The following GRTP1 variants were observed in gnomAD, a reference collection of about 807,000 sequenced individuals.
GRTP1 encodes growth hormone-regulated TBC protein 1.
Under a neutral mutation model 38.1 loss-of-function variants are expected in GRTP1, and 56 were observed. The observed-to-expected ratio is 1.47, with a 90% CI of 1.19 to 1.84. The LOEUF is 1.84. Among genes scored for constraint, GRTP1 ranks in the 40% most tolerant of loss-of-function variants. GRTP1 has a pLI of 0.00. For synonymous variants in GRTP1, 217 were observed against 189.5 expected, an observed-to-expected ratio of 1.14 and a Z score of -1.19; for missense variants, 506 against 453.9, an observed-to-expected ratio of 1.11 and a Z score of -1.04.
chr13:113,346,549 A>C (rs144748359), intron 4 of GRTP1, among the ~76,000 whole-genome samples: 139 of 1,044 alleles, frequency 0.13, 13 homozygotes, highest in African/African-American at 0.14. Context: ...CCTCTGTGGC[A>C]AAGAGCAGAC....
chr13:113,351,114 C>G, intron 3 of GRTP1, 141 bp from the exon 4 acceptor site: 1 of 1,046,066 alleles, frequency 9.6e-7, no homozygotes, highest in South Asian at 1.4e-5. Flanking sequence ...GCAGACTCAA[C>G]ACAGCCAGAG....
chr13:113,329,638 C>T (rs2042828520), intron 5 of GRTP1, among the ~76,000 whole-genome samples: 3 of 152,152 alleles, frequency 2.0e-5, no homozygotes, highest in Non-Finnish European at 2.9e-5. Flanking sequence ...TGGAAATTCC[C>T]ACCACGTGAT....
rs558742711 is a variant in GRTP1, at chr13:113,359,249, G to A, written c.182-3768C>T. 1.4e-4 allele frequency among the ~76,000 whole-genome samples: 22 copies of A among 152,358 alleles called. 1 individual carries two copies. In the South Asian group the frequency reaches 4.3e-3, roughly 30 times the overall value. Reference sequence around the variant, plus strand: ...TGGGCTGACTTCAAAGGACAGGATTGTTGAAGGCGACAGAATCTTGACTGT... The same window carrying A: ...TGGGCTGACTTCAAAGGACAGGATTATTGAAGGCGACAGAATCTTGACTGT... On this transcript the variant is annotated intron_variant, in intron 2 of 7. Transcript: ENST00000375431.
intron 7 of GRTP1, chr13:113,325,236 T>A: frequency 8.5e-7 from 1 of 1,182,428 alleles, no homozygotes; most frequent in Non-Finnish European, 1.0e-6. Flanking sequence ...AGGAAACTAC[T>A]GACTCCCAGG....
chr13:113,335,171 A>G (rs2042938063), intron 5 of GRTP1, among the ~76,000 whole-genome samples: 1 of 152,076 alleles, frequency 6.6e-6, no homozygotes, highest in Admixed American at 6.6e-5. Context: ...AAAAAGGTTT[A>G]TTTTTAATAT....
At chr13:113,355,226 A>C (rs2043360699) in intron 3 of GRTP1, 97 bp downstream of exon 3, 1 of 1,250,438 alleles carries the variant, frequency 8.0e-7, no homozygotes, top group African/African-American at 1.5e-5. Flanking sequence ...CAGCAGGCGC[A>C]CCGCTCACCC....
intron 5 of GRTP1, among the ~76,000 whole-genome samples, chr13:113,328,086 G>A (rs2042801594): frequency 6.6e-6 from 1 of 152,220 alleles, no homozygotes; most frequent in African/African-American, 2.4e-5. Context: ...GCTCCCTGCA[G>A]AAGGGGCTCA....
intron 5 of GRTP1, among the ~76,000 whole-genome samples, chr13:113,338,908 A>ATT (rs10534935): frequency 7.5e-5 from 7 of 93,606 alleles, no homozygotes; most frequent in African/African-American, 2.5e-4. Context: ...TTCTGCTTAG[A>ATT]TTTTTTTTTT....
intron 5 of GRTP1, among the ~76,000 whole-genome samples, chr13:113,334,282 A>ACCCGGCACTGCTACGACC (rs55801264): frequency 6.9e-6 from 1 of 144,936 alleles, no homozygotes; most frequent in Non-Finnish European, 1.5e-5. Context: ...CTGCCACGAC[A>ACCCGGCACTGCTACGACC]GCCTCCCGCC....
chr13:113,326,663 T>A (rs1227349772), intron 5 of GRTP1, among the ~76,000 whole-genome samples: 3 of 149,632 alleles, frequency 2.0e-5, no homozygotes, highest in South Asian at 2.1e-4. Flanking sequence ...AGAGCGAGAC[T>A]CTGTCTCAAA....
chr13:113,354,581 T>C (rs560527027), intron 3 of GRTP1, among the ~76,000 whole-genome samples: 2 of 151,194 alleles, frequency 1.3e-5, no homozygotes, highest in Admixed American at 1.3e-4. Context: ...CAGGCTGGAG[T>C]GCGGTGGTGC....
intron 5 of GRTP1, among the ~76,000 whole-genome samples, chr13:113,333,238 C>G (rs900020090): frequency 2.6e-5 from 4 of 152,134 alleles, no homozygotes; most frequent in Non-Finnish European, 5.9e-5. Context: ...ACGCACAGAC[C>G]GAAGGGGCCC....
rs1288936592 is a variant in GRTP1 at position 113,349,491 on chromosome 13, C to T, written c.465+1358G>A. 1.4e-4 allele frequency among the ~76,000 whole-genome samples: 22 copies of T among 152,212 alleles called. No individual in the cohort carries two copies. The highest frequency in any genetic ancestry group is 1.0e-4 in the Non-Finnish European group (7 of 68,034). On this transcript the variant is annotated intron_variant, in intron 4 of 7. Transcript: ENST00000375431. The surrounding 1 kb of genome is among the most constrained non-coding windows in gnomAD (Gnocchi z 5.0). The stretch of plus-strand genomic sequence containing the variant: ...AGAGGATTTCTTGCCCATTCTACCT[C>T]AACTCCAGAAGGCCACGTTCTTGCT...
At chr13:113,345,251 A>ATTT (rs1491562263) in intron 4 of GRTP1, among the ~76,000 whole-genome samples, 1 of 152,292 alleles carries the variant, frequency 6.6e-6, no homozygotes, top group African/African-American at 2.4e-5. Context: ...TGATAAAAGA[A>ATTT]CATAACTTAC....
chr13:113,348,070 AC>A lies in GRTP1; in HGVS notation c.465+2778del, dbSNP rs1407674653. ...GGAGGATCTCCGTGGCTGAGAATGG[AC>A]CCCTTTGAGTGGACAGTGCTACTGG... On this transcript the variant is annotated intron_variant, in intron 4 of 7. Coordinates refer to ENST00000375431, the MANE Select transcript of GRTP1 (RefSeq NM_024719.4). The surrounding 1 kb of genome is among the most constrained non-coding windows in gnomAD (Gnocchi z 4.8). Among the ~76,000 whole-genome samples, 2 of 152,084 alleles carry A rather than the reference AC, an allele frequency of 1.3e-5. No homozygotes were observed. Among genetic ancestry groups the A allele is most frequent in the African/African-American group, 2.4e-5 (1 of 41,410 alleles).
At position 113,328,150 on chromosome 13, in the gene GRTP1, T is replaced by G. The variant is rs549809368; in HGVS notation, c.563-2059A>C. 1.4e-4 allele frequency among the ~76,000 whole-genome samples: 22 copies of G among 152,218 alleles called. No homozygotes were observed. In the South Asian group the frequency reaches 4.6e-3, roughly 32 times the overall value. On this transcript the variant is annotated intron_variant, in intron 5 of 7. Transcript: ENST00000375431. ...GTTCCCAGGTGACCACCTCATCTGG[T>G]CTCGCGCCGCTATCCCCCCAGGCTC...
At chr13:113,328,144 A>G (rs1254264419) in intron 5 of GRTP1, among the ~76,000 whole-genome samples, 1 of 152,110 alleles carries the variant, frequency 6.6e-6, no homozygotes, top group African/African-American at 2.4e-5. Flanking sequence ...TGACCACCTC[A>G]TCTGGTCTCG....
rs36195865 is a variant in GRTP1, at chr13:113,347,216, A to G, written c.466-2257T>C. Among the ~76,000 whole-genome samples, 19 of 17,492 alleles carry G rather than the reference A, an allele frequency of 1.1e-3. 1 individual carries two copies. Among genetic ancestry groups the G allele is most frequent in the African/African-American group, 1.6e-3 (6 of 3,782 alleles). The allele number at this position is 17,492 out of a possible 152,430, so 11.5% of individuals were successfully genotyped here. A position where few individuals can be genotyped will look rare whatever the true frequency, so the allele number is the denominator to read the frequency against. Reference sequence around the variant, plus strand: ...GACCTCTGTGGCCGAGAGCAGACCCAGGAGGACCTCTGTGGCTGAGAGCGG... The same window carrying G: ...GACCTCTGTGGCCGAGAGCAGACCCGGGAGGACCTCTGTGGCTGAGAGCGG... On this transcript the variant is annotated intron_variant, in intron 4 of 7. Transcript: ENST00000375431.
Position 113,348,737 on chromosome 13 carries a change from G to A in GRTP1, c.465+2112C>T, listed in dbSNP as rs1476143045. ...CACCCGCCGAGGGGCACCCAGGACT[G>A]CCAGGAACCAGCAGAACCAGGGCAA... On this transcript the variant is annotated intron_variant, in intron 4 of 7. Transcript: ENST00000375431. This position sits in a 1 kb window ranked among gnomAD's most constrained non-coding sequence, Gnocchi z 4.8. Among the ~76,000 whole-genome samples the A allele has an allele frequency of 6.6e-6, 1 of 152,164 alleles. No homozygotes were observed.
Sources: gnomAD v4.1 joint callset for allele counts (sites outside exome capture counted in the v4.1 genomes callset) on GRCh38, gnomAD v4.1.1 for gene constraint, Gnocchi (gnomAD v3.1) non-coding constraint, MANE v1.5 for transcripts, NCBI Gene and HGNC (gene_info 2026-07-23, HGNC 2026-07-21) for gene names.